The following WDFY4 variants were observed in gnomAD, a reference collection of about 807,000 sequenced individuals.
The protein encoded by WDFY4 is WDFY family member 4, also known as WD repeat- and FYVE domain-containing protein 4.
A neutral mutation model predicts 351.9 loss-of-function variants in WDFY4; 169 were observed. The ratio of observed to expected loss-of-function variants is 0.48; its 90% CI spans 0.42 to 0.55. WDFY4 has a LOEUF of 0.55. Ranked by LOEUF, WDFY4 falls within the 20% of genes least tolerant of loss-of-function variation. The pLI, the probability that WDFY4 is intolerant of heterozygous loss-of-function variation, is 0.00. For missense variants in WDFY4, 3,803 were observed against 3,935.6 expected, an observed-to-expected ratio of 0.97 and a Z score of 0.90; for synonymous variants, 1,622 against 1,574.6, an observed-to-expected ratio of 1.03 and a Z score of -0.71.
chr10:48,817,927 G>T (rs770460656), intron 32 of WDFY4, among the ~76,000 whole-genome samples: 10 of 152,240 alleles, frequency 6.6e-5, no homozygotes, highest in Non-Finnish European at 1.5e-4. Context: ...TAAGGATGAG[G>T]TCTTGGGTCT....
At chr10:48,880,811 A>G (rs1333955133) in intron 43 of WDFY4, among the ~76,000 whole-genome samples, 1 of 152,102 alleles carries the variant, frequency 6.6e-6, no homozygotes, top group East Asian at 1.9e-4. Context: ...CTGGCTCCCA[A>G]GCTCAGTTTC....
intron 4 of WDFY4, among the ~76,000 whole-genome samples, chr10:48,721,736 C>T (rs959319290): frequency 2.0e-5 from 3 of 152,072 alleles, no homozygotes; most frequent in Non-Finnish European, 4.4e-5. Flanking sequence ...TCCCAGACAT[C>T]GTCAGTTAAT....
chr10:48,964,000 C>T lies in WDFY4; in HGVS notation c.8382C>T (p.Leu2794=), dbSNP rs1433643124. ...RMDLSSITDP[L]IKSTILGFVS... ...ACCTCAGCAGCATCACTGACCCCCT[C>T]ATCAAAAGCACCATCCTGGGGTTTG... The change falls in exon 54 of 62, where the codon CTC becomes CTT. Residue 2794 remains leucine (L), a synonymous_variant. Transcript: ENST00000325239. 63 of 1,550,368 alleles carry T rather than the reference C, an allele frequency of 4.1e-5. No homozygotes were observed. Among genetic ancestry groups the T allele is most frequent in the Non-Finnish European group, 5.4e-5 (62 of 1,146,980 alleles).
chr10:48,951,850 G>C (rs982482237), intron 51 of WDFY4, among the ~76,000 whole-genome samples: 1 of 152,130 alleles, frequency 6.6e-6, no homozygotes, highest in Non-Finnish European at 1.5e-5. Context: ...AGACCCACCC[G>C]AGGTGGGGCC....
At chr10:48,919,350 C>A (rs891908273) in intron 47 of WDFY4, among the ~76,000 whole-genome samples, 1 of 152,048 alleles carries the variant, frequency 6.6e-6, no homozygotes, top group African/African-American at 2.4e-5. Flanking sequence ...GGAATGAAAA[C>A]CCAAATAGAC....
At chr10:48,915,310 C>A (rs1320062911) in intron 47 of WDFY4, among the ~76,000 whole-genome samples, 1 of 152,158 alleles carries the variant, frequency 6.6e-6, no homozygotes, top group Non-Finnish European at 1.5e-5. Context: ...GAGACTGAGG[C>A]TCAGAAGTGA....
At chr10:48,853,296 G>A (rs369886242) in intron 39 of WDFY4, among the ~76,000 whole-genome samples, 34 of 152,054 alleles carry the variant, frequency 2.2e-4, no homozygotes, top group Admixed American at 7.9e-4. Context: ...GAGATATCCC[G>A]CTGTGCCACT....
At chr10:48,941,985 A>T (rs1387893879) in intron 48 of WDFY4, 137 bp downstream of exon 48, 1 of 909,544 alleles carries the variant, frequency 1.1e-6, no homozygotes, top group Non-Finnish European at 1.6e-6. Context: ...TTTCTTTGAG[A>T]TGGAGTTTCA....
At chr10:48,971,970 T>A (rs1842357735) in intron 57 of WDFY4, among the ~76,000 whole-genome samples, 1 of 152,210 alleles carries the variant, frequency 6.6e-6, no homozygotes, top group South Asian at 2.1e-4. Flanking sequence ...ACCCTGGGGC[T>A]GGCCTTGGGG....
intron 45 of WDFY4, among the ~76,000 whole-genome samples, chr10:48,898,257 G>C (rs116622993): frequency 0.017 from 2,537 of 152,192 alleles, 76 homozygotes; most frequent in African/African-American, 0.057. Context: ...AACATCACCT[G>C]AGCAGCAAAG....
chr10:48,809,075 G>T (rs2067351879), intron 28 of WDFY4, among the ~76,000 whole-genome samples: 1 of 152,152 alleles, frequency 6.6e-6, no homozygotes. Context: ...CCTGAGAATG[G>T]TGCCTGGAAT....
chr10:48,889,929 C>T (rs1460409315), intron 43 of WDFY4, among the ~76,000 whole-genome samples: 3 of 152,228 alleles, frequency 2.0e-5, no homozygotes, highest in Non-Finnish European at 2.9e-5. Context: ...TGGGTACAGA[C>T]TGCCCCTGGG....
chr10:48,966,446 G>A (rs1842085951), intron 54 of WDFY4, 80 bp from the exon 55 acceptor site: 1 of 1,435,804 alleles, frequency 7.0e-7, no homozygotes, highest in Non-Finnish European at 9.4e-7. Flanking sequence ...CAGAGACAGG[G>A]TGCAGCTACA....
chr10:48,753,198 A>T (rs909079959), intron 12 of WDFY4, among the ~76,000 whole-genome samples: 5 of 152,160 alleles, frequency 3.3e-5, no homozygotes, highest in African/African-American at 1.2e-4. Context: ...GGCTTGGCCC[A>T]TATTTTAATT....
intron 39 of WDFY4, among the ~76,000 whole-genome samples, chr10:48,835,508 G>T (rs575947938): frequency 6.6e-6 from 1 of 152,220 alleles, no homozygotes; most frequent in East Asian, 1.9e-4. Context: ...AGCCACCCCA[G>T]CTTCCAGGCA....
At chr10:48,715,675 G>A (rs1383503599) in intron 2 of WDFY4, among the ~76,000 whole-genome samples, 1 of 152,050 alleles carries the variant, frequency 6.6e-6, no homozygotes, top group Non-Finnish European at 1.5e-5. Context: ...CTCCCAGGTG[G>A]AGTGCAGTGG....
intron 13 of WDFY4, among the ~76,000 whole-genome samples, chr10:48,768,137 T>A (rs1043062909): frequency 3.3e-5 from 5 of 152,270 alleles, no homozygotes; most frequent in Admixed American, 6.5e-5. Context: ...ATCTGGAGCA[T>A]CTGGTGGAGG....
Position 48,733,971 on chromosome 10 carries a change from A to G in WDFY4, c.1623A>G (p.Arg541=). The change falls in exon 10 of 62, where the codon AGA becomes AGG. Residue 541 remains arginine, a synonymous_variant. Transcript: ENST00000325239. ...CTCCTGGTGTTCAGGATCCAGAAAG[A>G]GAACTCACCTGTGTGATGCTGAGGA... The part of the protein sequence containing the change: ...VSTPGVQDPE[R]ELTCVMLRIV... The G allele has an allele frequency of 6.4e-7, 1 of 1,551,846 alleles. No homozygotes were observed. Among genetic ancestry groups the G allele is most frequent in the South Asian group, 1.2e-5 (1 of 84,066 alleles).
chr10:48,856,646 T>C (rs1464564100), intron 39 of WDFY4, among the ~76,000 whole-genome samples: 1 of 152,214 alleles, frequency 6.6e-6, no homozygotes, highest in Admixed American at 6.5e-5. Context: ...ACACTTGAAC[T>C]CTATCAGTAA....
Sources: allele counts gnomAD v4.1 joint callset (sites outside exome capture counted in the v4.1 genomes callset), GRCh38; gene constraint gnomAD v4.1.1; transcripts MANE v1.5; gene names NCBI Gene and HGNC (gene_info 2026-07-23, HGNC 2026-07-21).